Variants in STXBP5L observed in about 807,000 individuals in gnomAD.
STXBP5L encodes syntaxin binding protein 5L, also known as syntaxin-binding protein 5-like.
STXBP5L carries 65 observed loss-of-function variants against 144.5 expected under a neutral mutation model. That is an observed-to-expected ratio of 0.45 (90% confidence interval 0.37 to 0.55). The LOEUF (loss-of-function observed/expected upper bound fraction) is 0.55. Among genes scored for constraint, STXBP5L ranks in the 20% least tolerant of loss-of-function variants. STXBP5L has a pLI of 0.00. For missense variants in STXBP5L, 1,298 were observed against 1,405.5 expected, an observed-to-expected ratio of 0.92 and a Z score of 1.22; for synonymous variants, 505 against 469.6, an observed-to-expected ratio of 1.08 and a Z score of -0.97.
chr3:121,133,309 G>T (rs1166719843), intron 7 of STXBP5L, among the ~76,000 whole-genome samples: 1 of 152,096 alleles, frequency 6.6e-6, no homozygotes, highest in African/African-American at 2.4e-5. Flanking sequence ...TGAACCCAAA[G>T]AAATCTATGT....
At chr3:121,061,929 CTG>C (rs2041302224) in intron 5 of STXBP5L, among the ~76,000 whole-genome samples, 1 of 151,994 alleles carries the variant, frequency 6.6e-6, no homozygotes, top group Non-Finnish European at 1.5e-5. Flanking sequence ...GTTTGCCAGT[CTG>C]TGTCTTTTAA....
chr3:120,964,367 A>T (rs1392761087), intron 3 of STXBP5L, among the ~76,000 whole-genome samples: 1 of 152,008 alleles, frequency 6.6e-6, no homozygotes, highest in Non-Finnish European at 1.5e-5. Context: ...TGTGATGTTA[A>T]GGTGTCGATT....
At chr3:121,058,243 G>C (rs987134901) in intron 5 of STXBP5L, among the ~76,000 whole-genome samples, 2 of 152,144 alleles carry the variant, frequency 1.3e-5, no homozygotes, top group Non-Finnish European at 2.9e-5. Context: ...TTCTGTTCTT[G>C]TGTTAGTTTG....
chr3:121,149,786 C>CA (rs1434566640), intron 7 of STXBP5L, among the ~76,000 whole-genome samples: 4 of 151,956 alleles, frequency 2.6e-5, no homozygotes, highest in Admixed American at 2.6e-4. Flanking sequence ...AAGATATAAA[C>CA]ATATACTCGA....
At chr3:120,988,766 A>G (rs533121314) in intron 3 of STXBP5L, among the ~76,000 whole-genome samples, 3 of 152,202 alleles carry the variant, frequency 2.0e-5, no homozygotes, top group African/African-American at 7.2e-5. Context: ...GCCATCACAA[A>G]TAGTGTCCAT....
chr3:121,045,447 A>C lies in STXBP5L; in HGVS notation c.382A>C (p.Ser128Arg). ...CTTTTTGTTCTAGGGTGCCTTGGTC[A>C]GTGCAAGTTCAGATGATACACTTCA... Reference protein sequence around the residue: ...QFLINEGALVSASSDDTLHLW... With the variant: ...QFLINEGALVRASSDDTLHLW... The change falls in exon 5 of 27, where the codon AGT becomes CGT. Residue 128 changes from serine (S) to arginine (R), a missense_variant. Coordinates refer to ENST00000471454, the MANE Select transcript of STXBP5L (RefSeq NM_001308330.2). 1 of 1,610,148 alleles carries C rather than the reference A, an allele frequency of 6.2e-7. No individual in the cohort carries two copies. Among genetic ancestry groups the C allele is most frequent in the Non-Finnish European group, 8.5e-7 (1 of 1,178,304 alleles).
At chr3:120,996,938 T>C (rs928682088) in intron 3 of STXBP5L, among the ~76,000 whole-genome samples, 1 of 152,132 alleles carries the variant, frequency 6.6e-6, no homozygotes, top group Non-Finnish European at 1.5e-5. Context: ...AGTTTTTCAA[T>C]CCTTATCCTC....
Position 121,422,616 on chromosome 3 carries a change from G to A in STXBP5L, c.*3519G>A, listed in dbSNP as rs747659837. On this transcript the variant is annotated 3_prime_UTR_variant, in exon 27 of 27. Coordinates refer to ENST00000471454, the MANE Select transcript of STXBP5L (RefSeq NM_001308330.2). ...GACTTTGCTTCTTACACTTCACTGA[G>A]CCCCAGACTTTAGGGCCCCAATCAT... The A allele has an allele frequency of 5.9e-5, 9 of 152,082 alleles. No homozygotes were observed. The highest frequency in any genetic ancestry group is 1.0e-4 in the Non-Finnish European group (7 of 68,010). The allele number at this position is 152,082 out of a possible 1,614,324, so 9.4% of individuals were successfully genotyped here. A position where few individuals can be genotyped will look rare whatever the true frequency, so the allele number is the denominator to read the frequency against.
chr3:121,093,713 C>A (rs1186918444), intron 5 of STXBP5L, among the ~76,000 whole-genome samples: 1 of 152,008 alleles, frequency 6.6e-6, no homozygotes, highest in Non-Finnish European at 1.5e-5. Flanking sequence ...TTGATCCTTT[C>A]AAAAAACCAG....
At chr3:121,004,308 A>G (rs1412920313) in intron 3 of STXBP5L, among the ~76,000 whole-genome samples, 1 of 151,434 alleles carries the variant, frequency 6.6e-6, no homozygotes, top group Non-Finnish European at 1.5e-5. Context: ...TTCTCTTTGA[A>G]GCAATTGTGA....
intron 20 of STXBP5L, 99 bp downstream of exon 20, chr3:121,318,639 T>C (rs2043864665): frequency 2.5e-6 from 2 of 785,140 alleles, no homozygotes; most frequent in African/African-American, 3.6e-5. Flanking sequence ...ATAATTTTAG[T>C]AATTAGGTAT....
rs539336078 is a variant in STXBP5L, at chr3:120,983,744, A to G, written c.287+28707A>G. ...TTCCCCACATCAGGGAGCTTCTATC[A>G]GTTTCACACCTATCCCAGCCCAGTA... is the stretch of plus-strand genomic sequence containing the variant. On this transcript the variant is annotated intron_variant, in intron 3 of 26. Coordinates refer to ENST00000471454, the MANE Select transcript of STXBP5L (RefSeq NM_001308330.2). Among the ~76,000 whole-genome samples, 175 of 152,276 alleles carry G rather than the reference A, an allele frequency of 1.1e-3. 1 individual carries two copies. The highest frequency in any genetic ancestry group is 5.3e-4 in the Non-Finnish European group (36 of 68,020).
intron 5 of STXBP5L, among the ~76,000 whole-genome samples, chr3:121,105,355 C>T (rs971864093): frequency 4.7e-5 from 7 of 148,512 alleles, no homozygotes; most frequent in South Asian, 2.1e-4. Context: ...GAGATCACGC[C>T]GCTGCACTCC....
At chr3:121,278,104 A>G (rs1423799038) in intron 18 of STXBP5L, among the ~76,000 whole-genome samples, 2 of 151,912 alleles carry the variant, frequency 1.3e-5, no homozygotes, top group African/African-American at 4.8e-5. Flanking sequence ...CTGCCTCCTC[A>G]ACTAAATGAG....
At chr3:120,911,249 G>T (rs148276140) in intron 2 of STXBP5L, among the ~76,000 whole-genome samples, 2 of 152,206 alleles carry the variant, frequency 1.3e-5, no homozygotes, top group East Asian at 3.9e-4. Context: ...AAACTTCAGG[G>T]AAATGGGTGA....
At chr3:121,303,814 T>C (rs2052030623) in intron 19 of STXBP5L, among the ~76,000 whole-genome samples, 1 of 150,724 alleles carries the variant, frequency 6.6e-6, no homozygotes, top group Non-Finnish European at 1.5e-5. Context: ...CACTCATAGG[T>C]GGGAATTGAA....
At position 120,986,781 on chromosome 3, in the gene STXBP5L, G is replaced by C. The variant is rs568351151; in HGVS notation, c.287+31744G>C. 4.6e-5 allele frequency among the ~76,000 whole-genome samples: 7 copies of C among 151,886 alleles called. No individual in the cohort carries two copies. In the East Asian group the frequency reaches 7.7e-4, roughly 17 times the overall value. On this transcript the variant is annotated intron_variant, in intron 3 of 26. Coordinates refer to ENST00000471454, the MANE Select transcript of STXBP5L (RefSeq NM_001308330.2). ...CAAACAAAAAAATAGAAATTTGAGA[G>C]CTGAAAATTACAATACTTTAAATAA...
intron 5 of STXBP5L, among the ~76,000 whole-genome samples, chr3:121,108,447 C>T (rs1363009843): frequency 6.6e-6 from 1 of 152,056 alleles, no homozygotes; most frequent in Admixed American, 6.6e-5. Context: ...TATAAAAGGC[C>T]TTTTCTACAT....
chr3:121,337,664 G>A (rs980549246), intron 20 of STXBP5L, among the ~76,000 whole-genome samples: 1 of 152,030 alleles, frequency 6.6e-6, no homozygotes, highest in Non-Finnish European at 1.5e-5. Context: ...GGCAGAAAGT[G>A]AGCAAGAAAA....
Sources: gnomAD v4.1 joint callset for allele counts (sites outside exome capture counted in the v4.1 genomes callset) on GRCh38, gnomAD v4.1.1 for gene constraint, MANE v1.5 for transcripts, NCBI Gene and HGNC (gene_info 2026-07-23, HGNC 2026-07-21) for gene names.